PDLIM5: variants seen among roughly 807,000 people sequenced by gnomAD.
PDLIM5 encodes the protein PDZ and LIM domain protein 5.
A neutral mutation model predicts 64.2 loss-of-function variants in PDLIM5; 34 were observed. The ratio of observed to expected loss-of-function variants is 0.53; its 90% CI spans 0.40 to 0.71. The LOEUF (loss-of-function observed/expected upper bound fraction) is 0.71, where lower values mean the gene tolerates loss of function less well. PDLIM5 is among the 30% of genes least tolerant of loss of function. The pLI is 0.00. For missense variants in PDLIM5, 683 were observed against 733.6 expected (o/e 0.93, Z 0.80); for synonymous variants, 253 against 269.1 (o/e 0.94, Z 0.59).
At chr4:94,624,667 C>A (rs989578319) in intron 8 of PDLIM5, among the ~76,000 whole-genome samples, 1 of 152,114 alleles carries the variant, frequency 6.6e-6, no homozygotes, top group Non-Finnish European at 1.5e-5. Flanking sequence ...ATGTAGTCAA[C>A]GACCCTTGAA....
At chr4:94,619,619 G>A (rs147340565) in intron 8 of PDLIM5, among the ~76,000 whole-genome samples, 1,653 of 150,964 alleles carry the variant, frequency 0.011, 36 homozygotes, top group African/African-American at 0.038. Context: ...CAGCCTGGGC[G>A]ACAGAGCGAG....
intron 2 of PDLIM5, among the ~76,000 whole-genome samples, chr4:94,492,540 A>G (rs1312455707): frequency 1.3e-5 from 2 of 152,046 alleles, no homozygotes; most frequent in African/African-American, 4.8e-5. Context: ...CCCATTGAGT[A>G]TTTACTCCCC....
At chr4:94,606,607 C>CTTAGAT (rs1737944640) in intron 7 of PDLIM5, among the ~76,000 whole-genome samples, 5 of 152,160 alleles carry the variant, frequency 3.3e-5, no homozygotes, top group Admixed American at 2.6e-4. Context: ...CCCAAGATCA[C>CTTAGAT]CTAGAGCAGG....
At chr4:94,508,356 C>T (rs1265124559) in intron 2 of PDLIM5, among the ~76,000 whole-genome samples, 1 of 152,060 alleles carries the variant, frequency 6.6e-6, no homozygotes, top group Non-Finnish European at 1.5e-5. Flanking sequence ...AAAAAAGGTA[C>T]AGGAAACTTA....
chr4:94,652,461 T>C (rs1462034835), intron 9 of PDLIM5, among the ~76,000 whole-genome samples: 1 of 152,216 alleles, frequency 6.6e-6, no homozygotes, highest in Non-Finnish European at 1.5e-5. Flanking sequence ...AGGGCACTCA[T>C]CAAACTTTGT....
intron 8 of PDLIM5, among the ~76,000 whole-genome samples, chr4:94,633,024 A>T (rs528369755): frequency 6.6e-6 from 1 of 152,202 alleles, no homozygotes; most frequent in Non-Finnish European, 1.5e-5. Flanking sequence ...AATCAGAAAA[A>T]AATTGAAAAT....
At chr4:94,604,129 C>T (rs1157709708) in intron 7 of PDLIM5, among the ~76,000 whole-genome samples, 1 of 151,894 alleles carries the variant, frequency 6.6e-6, no homozygotes, top group African/African-American at 2.4e-5. Flanking sequence ...AGAGAACTCT[C>T]GGGCAACAGA....
At chr4:94,599,765 A>G (rs916645031) in intron 7 of PDLIM5, among the ~76,000 whole-genome samples, 1 of 152,164 alleles carries the variant, frequency 6.6e-6, no homozygotes, top group African/African-American at 2.4e-5. Context: ...GGAAGGCCCT[A>G]TAGTGAATGG....
intron 10 of PDLIM5, 85 bp from the exon 11 acceptor site, chr4:94,657,342 G>T: frequency 1.0e-6 from 1 of 957,740 alleles, no homozygotes; most frequent in South Asian, 1.6e-5. Context: ...GCTCTACAGG[G>T]ATTTACTGGT....
intron 5 of PDLIM5, among the ~76,000 whole-genome samples, chr4:94,583,821 A>G (rs966244453): frequency 1.3e-5 from 2 of 152,242 alleles, no homozygotes; most frequent in African/African-American, 2.4e-5. Flanking sequence ...ATAAAAGAAT[A>G]CATTATGATG....
chr4:94,583,573 A>G (rs574064503), intron 5 of PDLIM5, among the ~76,000 whole-genome samples: 44 of 152,314 alleles, frequency 2.9e-4, no homozygotes, highest in Admixed American at 2.6e-3. Flanking sequence ...TTATGAAGAA[A>G]TGTATGCTTA....
intron 2 of PDLIM5, among the ~76,000 whole-genome samples, chr4:94,509,660 G>A (rs1463720294): frequency 6.6e-6 from 1 of 152,288 alleles, no homozygotes; most frequent in African/African-American, 2.4e-5. Flanking sequence ...ACAATAGGCT[G>A]TCTGCAAGCT....
At chr4:94,556,732 A>G (rs931183150) in intron 3 of PDLIM5, among the ~76,000 whole-genome samples, 4 of 151,780 alleles carry the variant, frequency 2.6e-5, no homozygotes, top group Non-Finnish European at 4.4e-5. Context: ...CATATCCTTC[A>G]CCCACTTTTT....
At chr4:94,662,186 A>C (rs1459163097) in intron 11 of PDLIM5, among the ~76,000 whole-genome samples, 1 of 152,100 alleles carries the variant, frequency 6.6e-6, no homozygotes, top group Admixed American at 6.6e-5. Flanking sequence ...TTACATGGAA[A>C]ATTATAATCA....
chr4:94,509,475 C>T (rs1728677056), intron 2 of PDLIM5, among the ~76,000 whole-genome samples: 1 of 152,078 alleles, frequency 6.6e-6, no homozygotes, highest in South Asian at 2.1e-4. Context: ...CCATATGATG[C>T]CATGCCTACA....
At chr4:94,519,136 G>A (rs1056451213) in intron 2 of PDLIM5, among the ~76,000 whole-genome samples, 1 of 152,184 alleles carries the variant, frequency 6.6e-6, no homozygotes, top group African/African-American at 2.4e-5. Context: ...CTCTGTTGCT[G>A]AGTGAGGGGA....
In PDLIM5 at chr4:94,464,714, A is replaced by G. The variant is rs186185370; in HGVS notation, c.96+9330A>G. On this transcript the variant is annotated intron_variant, in intron 2 of 12. Transcript: ENST00000317968. ...AGTATCTTTATGCTACTCACTTGCA[A>G]ATATCCTACAAATGGTTGTTTTGAT... Among the ~76,000 whole-genome samples, 18 of 152,320 alleles carry G rather than the reference A, an allele frequency of 1.2e-4. No individual in the cohort carries two copies. The East Asian group carries it at 3.5e-3, about 29-fold the overall frequency.
At chr4:94,533,947 G>A (rs1261938503) in intron 3 of PDLIM5, among the ~76,000 whole-genome samples, 1 of 152,162 alleles carries the variant, frequency 6.6e-6, no homozygotes, top group South Asian at 2.1e-4. Flanking sequence ...AGTGATTTTG[G>A]ATCATGTAGA....
At chr4:94,460,658 C>T (rs935351023) in intron 2 of PDLIM5, among the ~76,000 whole-genome samples, 18 of 151,158 alleles carry the variant, frequency 1.2e-4, no homozygotes. Flanking sequence ...AAGAATAGCA[C>T]TTTAGACCTT....
Sources: gnomAD v4.1 joint callset for allele counts (sites outside exome capture counted in the v4.1 genomes callset) on GRCh38, gnomAD v4.1.1 for gene constraint, MANE v1.5 for transcripts, NCBI Gene and HGNC (gene_info 2026-07-23, HGNC 2026-07-21) for gene names.